NUS1: variants seen among roughly 807,000 people sequenced by gnomAD.
NUS1 encodes the protein NUS1 dehydrodolichyl diphosphate synthase subunit, also known as dehydrodolichyl diphosphate synthase complex subunit NUS1.
For missense variants in NUS1, 292 were observed against 382.9 expected, an observed-to-expected ratio of 0.76 and a Z score of 1.98; for synonymous variants, 135 against 155.2, an observed-to-expected ratio of 0.87 and a Z score of 0.97.
intron 2 of NUS1, among the ~76,000 whole-genome samples, chr6:117,693,583 AAGT>A (rs1446652355): frequency 6.6e-6 from 1 of 152,214 alleles, no homozygotes; most frequent in Non-Finnish European, 1.5e-5. Context: ...GCTCCTATAA[AAGT>A]AGAATTGATA....
rs1773514951 is a variant in NUS1 at position 117,707,288 on chromosome 6, A to C, written c.*273A>C. ...CATAGACCTACAACTTTGAGCAAAT[A>C]GCAGTGATGTTTTAGGAACTGAAAT... On this transcript the variant is annotated 3_prime_UTR_variant, in exon 5 of 5. Coordinates refer to ENST00000368494, the MANE Select transcript of NUS1 (RefSeq NM_138459.5). The C allele has an allele frequency of 2.9e-6, 1 of 339,704 alleles. No homozygotes were observed. The highest frequency in any genetic ancestry group is 3.9e-5 in the Admixed American group (1 of 25,724). 21.0% of individuals were successfully genotyped at this position (339,704 alleles called of 1,614,324 possible).
rs1352670174 is a variant in NUS1, at chr6:117,688,680, T to A, written c.416-4362T>A. ...AGCTTTATTAGATAAGCCGCCAAGG[T>A]TTGGCTTTGTTCACTCTCGGATGCC... is the stretch of plus-strand genomic sequence containing the variant. On this transcript the variant is annotated intron_variant, in intron 1 of 4. Coordinates refer to ENST00000368494, the MANE Select transcript of NUS1 (RefSeq NM_138459.5). Among the ~76,000 whole-genome samples, 4 of 152,276 alleles carry A rather than the reference T, an allele frequency of 2.6e-5. No individual in the cohort carries two copies. In the East Asian group the frequency reaches 7.7e-4, roughly 29 times the overall value.
At chr6:117,685,919 G>A (rs983151566) in intron 1 of NUS1, among the ~76,000 whole-genome samples, 1 of 150,494 alleles carries the variant, frequency 6.6e-6, no homozygotes, top group Non-Finnish European at 1.5e-5. Context: ...CCGAGATCGC[G>A]CCATTGCACT....
chr6:117,703,929 A>T (rs1011885086), intron 4 of NUS1, among the ~76,000 whole-genome samples: 7 of 152,190 alleles, frequency 4.6e-5, no homozygotes, highest in Non-Finnish European at 8.8e-5. Flanking sequence ...TTACCTTAGG[A>T]GATCAGGAGT....
At chr6:117,683,360 G>C (rs189687868) in intron 1 of NUS1, among the ~76,000 whole-genome samples, 1 of 152,164 alleles carries the variant, frequency 6.6e-6, no homozygotes, top group Admixed American at 6.5e-5. Flanking sequence ...TATGTATTTT[G>C]TTATGATTTA....
chr6:117,705,683 C>T (rs1038092819), intron 4 of NUS1, among the ~76,000 whole-genome samples: 1 of 152,020 alleles, frequency 6.6e-6, no homozygotes, highest in Non-Finnish European at 1.5e-5. Flanking sequence ...GCTTCTGAGG[C>T]ATTGAGGAGT....
chr6:117,694,213 G>A (rs1773284816), intron 3 of NUS1, 33 bp downstream of exon 3: 3 of 1,195,014 alleles, frequency 2.5e-6, no homozygotes, highest in Non-Finnish European at 3.5e-6. Flanking sequence ...ACATATATAT[G>A]TATATGTATG....
intron 1 of NUS1, among the ~76,000 whole-genome samples, chr6:117,689,040 T>C (rs1173481688): frequency 6.6e-6 from 1 of 151,936 alleles, no homozygotes; most frequent in Non-Finnish European, 1.5e-5. Flanking sequence ...TTATTTAGGG[T>C]GAAAAGAAGA....
intron 1 of NUS1, among the ~76,000 whole-genome samples, chr6:117,682,285 A>G (rs1773072834): frequency 1.3e-5 from 2 of 152,130 alleles, no homozygotes; most frequent in African/African-American, 4.8e-5. Context: ...TTGTTTAACT[A>G]TAGTACTGGA....
chr6:117,688,315 T>A (rs1041630836), intron 1 of NUS1, among the ~76,000 whole-genome samples: 1 of 152,150 alleles, frequency 6.6e-6, no homozygotes, highest in Non-Finnish European at 1.5e-5. Flanking sequence ...TAGGAAACAT[T>A]GCTGTAAAAG....
intron 3 of NUS1, 147 bp from the exon 4 acceptor site, chr6:117,703,458 G>T: frequency 1.5e-6 from 1 of 645,768 alleles, no homozygotes; most frequent in East Asian, 2.7e-5. Context: ...GGGGCATGGA[G>T]ACATACAGAT....
chr6:117,694,597 T>A (rs1335758159), intron 3 of NUS1, among the ~76,000 whole-genome samples: 3 of 152,280 alleles, frequency 2.0e-5, no homozygotes, highest in Admixed American at 1.3e-4. Context: ...GATTCCTTTT[T>A]AATTATTCTT....
intron 1 of NUS1, among the ~76,000 whole-genome samples, chr6:117,691,067 C>T (rs752786001): frequency 2.0e-5 from 3 of 151,352 alleles, no homozygotes; most frequent in African/African-American, 4.8e-5. Context: ...CTAAGTCAGT[C>T]ATGTACCATA....
chr6:117,689,728 A>G (rs149615219), intron 1 of NUS1, among the ~76,000 whole-genome samples: 2 of 152,182 alleles, frequency 1.3e-5, no homozygotes, highest in East Asian at 3.9e-4. Context: ...CGTCCAGCTA[A>G]TTAAAAAACA....
rs72951505 is a variant in NUS1 at position 117,689,747 on chromosome 6, G to T, written c.416-3295G>T. On this transcript the variant is annotated intron_variant, in intron 1 of 4. Transcript: ENST00000368494. ...CAGCTAATTAAAAAACATTTTTTTT[G>T]TAGAGACAAGGTCTTGCTATGTTGC... Among the ~76,000 whole-genome samples the T allele has an allele frequency of 2.4e-3, 362 of 151,994 alleles. 2 individuals carry two copies. The highest frequency in any genetic ancestry group is 4.2e-3 in the Non-Finnish European group (288 of 67,938).
intron 1 of NUS1, among the ~76,000 whole-genome samples, chr6:117,679,101 G>A (rs1327281969): frequency 6.6e-6 from 1 of 152,184 alleles, no homozygotes; most frequent in East Asian, 1.9e-4. Context: ...ACAAGAAATG[G>A]TGTCTCTTAA....
intron 3 of NUS1, among the ~76,000 whole-genome samples, chr6:117,695,774 G>A (rs1225779081): frequency 6.6e-5 from 10 of 151,920 alleles, no homozygotes; most frequent in Admixed American, 2.0e-4. Flanking sequence ...CTATACTTTC[G>A]CTTTTTCTAT....
Position 117,709,618 on chromosome 6 carries a change from G to A in NUS1, c.*2603G>A, listed in dbSNP as rs1378103078. The A allele has an allele frequency of 6.6e-6, 1 of 151,776 alleles. No individual in the cohort carries two copies. The highest frequency in any genetic ancestry group is 2.4e-5 in the African/African-American group (1 of 41,150). 9.4% of individuals were successfully genotyped at this position (151,776 alleles called of 1,614,324 possible). On this transcript the variant is annotated 3_prime_UTR_variant, in exon 5 of 5. Transcript: ENST00000368494. ...TCTTTGAATGTATGTTACTGGATTA[G>A]CTCCCTCCTCCTGTGTGATGGTACC...
intron 1 of NUS1, among the ~76,000 whole-genome samples, chr6:117,683,000 T>C (rs1773084683): frequency 6.6e-6 from 1 of 152,236 alleles, no homozygotes; most frequent in African/African-American, 2.4e-5. Context: ...GTTCATCCTT[T>C]GAGTTATAGG....
Sources: allele counts gnomAD v4.1 joint callset (sites outside exome capture counted in the v4.1 genomes callset), GRCh38; gene constraint gnomAD v4.1.1; transcripts MANE v1.5; gene names NCBI Gene and HGNC (gene_info 2026-07-23, HGNC 2026-07-21).